Variants in MAPK14 observed in about 807,000 individuals in gnomAD.
MAPK14 encodes CSAID-binding protein.
MAPK14 carries 16 observed loss-of-function variants against 49.6 expected under a neutral mutation model. The observed-to-expected ratio is 0.32, with a 90% CI of 0.22 to 0.49. The LOEUF (loss-of-function observed/expected upper bound fraction) is 0.49, where lower values mean the gene tolerates loss of function less well. Among genes scored for constraint, MAPK14 ranks in the 20% least tolerant of loss-of-function variants. MAPK14 has a pLI of 0.99. For missense variants in MAPK14, 200 were observed against 441.2 expected, an observed-to-expected ratio of 0.45 and a Z score of 4.90; for synonymous variants, 142 against 158.0, an observed-to-expected ratio of 0.90 and a Z score of 0.76.
chr6:36,063,007 C>T (rs540292157), intron 3 of MAPK14, among the ~76,000 whole-genome samples: 43 of 152,218 alleles, frequency 2.8e-4, no homozygotes, highest in African/African-American at 9.6e-4. Context: ...CTTTATGTTT[C>T]GGTTAGCACT....
intron 1 of MAPK14, among the ~76,000 whole-genome samples, chr6:36,030,665 C>T (rs1762505467): frequency 7.8e-6 from 1 of 127,454 alleles, no homozygotes; most frequent in African/African-American, 3.1e-5. Flanking sequence ...CCAGCCTGGG[C>T]GAAAGTGCGA....
At chr6:36,081,459 A>G (rs1474005399) in intron 8 of MAPK14, among the ~76,000 whole-genome samples, 1 of 152,158 alleles carries the variant, frequency 6.6e-6, no homozygotes, top group African/African-American at 2.4e-5. Flanking sequence ...CCCCCATCGA[A>G]TCAACATGAT....
At chr6:36,059,448 T>A (rs1470210547) in intron 3 of MAPK14, 101 bp downstream of exon 3, 9 of 845,322 alleles carry the variant, frequency 1.1e-5, no homozygotes, top group Middle Eastern at 2.3e-4. Context: ...CTTCAAAAAA[T>A]TCTTTATTCC....
At chr6:36,086,408 TC>T (rs1196054205) in intron 8 of MAPK14, among the ~76,000 whole-genome samples, 2 of 151,724 alleles carry the variant, frequency 1.3e-5, no homozygotes, top group East Asian at 3.9e-4. Flanking sequence ...TAAAATAGAC[TC>T]CTAGCTAGAG....
intron 3 of MAPK14, among the ~76,000 whole-genome samples, chr6:36,060,041 C>T (rs1390193630): frequency 1.3e-5 from 2 of 152,020 alleles, no homozygotes; most frequent in African/African-American, 2.4e-5. Flanking sequence ...CCTGGGATAC[C>T]CCTAGAAAGC....
chr6:36,083,960 G>A (rs1281277771), intron 8 of MAPK14, among the ~76,000 whole-genome samples: 7 of 152,140 alleles, frequency 4.6e-5, no homozygotes, highest in Non-Finnish European at 1.0e-4. Context: ...CATCAGGTTG[G>A]TGCCCCTCTG....
intron 1 of MAPK14, among the ~76,000 whole-genome samples, chr6:36,033,144 T>C (rs1762606036): frequency 6.6e-6 from 1 of 152,220 alleles, no homozygotes; most frequent in African/African-American, 2.4e-5. Context: ...TCCATTCTTT[T>C]CTTTGTAACC....
Position 36,073,673 on chromosome 6 carries a change from C to CT in MAPK14, c.418-12dup. 6.2e-7 allele frequency: 1 copy of CT among 1,607,810 alleles called. No homozygotes were observed. Among genetic ancestry groups the CT allele is most frequent in the Non-Finnish European group, 8.5e-7 (1 of 1,176,480 alleles). On this transcript the variant is annotated splice_polypyrimidine_tract_variant and intron_variant, in intron 4 of 11. Coordinates refer to ENST00000229794, the MANE Select transcript of MAPK14 (RefSeq NM_139012.3). ...AATAGAAGGTTGGAGGTAACTTTGA[C>CT]TTTTTTCTCTTTTGCAGTATATACA...
intron 10 of MAPK14, 36 bp downstream of exon 10, chr6:36,102,685 G>C (rs753980506): frequency 5.1e-5 from 82 of 1,609,826 alleles, no homozygotes; most frequent in Non-Finnish European, 6.7e-5. Context: ...CATGGATATT[G>C]AATTGGTTAT....
At chr6:36,116,838 T>C in the MAPK14 span, among the ~76,000 whole-genome samples, 9 of 152,306 alleles carry the variant, frequency 5.9e-5, no homozygotes, top group East Asian at 3.9e-4. Context: ...TGCTACTGTA[T>C]GTTAGGCAAT....
chr6:36,106,362 C>A (rs954489298), intron 10 of MAPK14, among the ~76,000 whole-genome samples: 1 of 150,108 alleles, frequency 6.7e-6, no homozygotes, highest in African/African-American at 2.4e-5. Flanking sequence ...CAGGAAAGAA[C>A]AGGGCTTAGA....
intron 1 of MAPK14, among the ~76,000 whole-genome samples, chr6:36,044,105 C>T (rs112018560): frequency 0.017 from 2,652 of 152,074 alleles, 77 homozygotes; most frequent in African/African-American, 0.06. Flanking sequence ...CCACCGCACC[C>T]GGCCCTCACT....
intron 2 of MAPK14, 71 bp downstream of exon 2, chr6:36,052,899 C>T (rs2127417957): frequency 1.4e-6 from 2 of 1,404,416 alleles, no homozygotes; most frequent in Admixed American, 1.9e-5. Flanking sequence ...TTAATTACTG[C>T]AGATGGAAAT....
intron 2 of MAPK14, among the ~76,000 whole-genome samples, chr6:36,054,003 G>GTTTTTTTTTTTTTTTTTT (rs1562112079): frequency 1.3e-5 from 2 of 151,922 alleles, no homozygotes; most frequent in African/African-American, 2.4e-5. Flanking sequence ...GCAAACCAGA[G>GTTTTTTTTTTTTTTTTTT]TTTTAAGAAT....
In MAPK14 at chr6:36,079,966, GAC is replaced by G. The variant is rs888206884; in HGVS notation, c.682+3360_682+3361del. Among the ~76,000 whole-genome samples the G allele has an allele frequency of 4.0e-5, 6 of 149,926 alleles. No homozygotes were observed. In the South Asian group the frequency reaches 1.3e-3, roughly 32 times the overall value. ...ACCATTTTAACCTTTTTTTTTTTGA[GAC>G]AGTCTTGCTTTGTTGCCCACGCTGG... On this transcript the variant is annotated intron_variant, in intron 8 of 11. Transcript: ENST00000229794.
At chr6:36,104,674 A>T (rs761070538) in intron 10 of MAPK14, among the ~76,000 whole-genome samples, 1 of 152,202 alleles carries the variant, frequency 6.6e-6, no homozygotes, top group Admixed American at 6.5e-5. Context: ...GGCATGAGCC[A>T]CTGCACCCAG....
At chr6:36,041,220 CTTT>C (rs75773187) in intron 1 of MAPK14, among the ~76,000 whole-genome samples, 2 of 140,772 alleles carry the variant, frequency 1.4e-5, no homozygotes, top group African/African-American at 2.6e-5. Context: ...TTATTGTGCT[CTTT>C]TTTTTTTTTT....
At chr6:36,089,406 C>T (rs1255321367) in intron 8 of MAPK14, among the ~76,000 whole-genome samples, 4 of 152,058 alleles carry the variant, frequency 2.6e-5, no homozygotes, top group East Asian at 1.9e-4. Flanking sequence ...GCGGAGGGAA[C>T]GCATCAGGAT....
intron 1 of MAPK14, among the ~76,000 whole-genome samples, chr6:36,030,410 G>A (rs1188712047): frequency 2.0e-5 from 3 of 152,094 alleles, no homozygotes; most frequent in Non-Finnish European, 4.4e-5. Flanking sequence ...TCAGTGGGCC[G>A]GGTGCAGTGG....
Sources: allele counts gnomAD v4.1 joint callset (sites outside exome capture counted in the v4.1 genomes callset), GRCh38; gene constraint gnomAD v4.1.1; transcripts MANE v1.5; gene names NCBI Gene and HGNC (gene_info 2026-07-23, HGNC 2026-07-21).